The following KIAA1328 variants were observed in gnomAD, a reference collection of about 807,000 sequenced individuals.
The protein encoded by KIAA1328 is protein hinderin.
A neutral mutation model predicts 68.1 loss-of-function variants in KIAA1328; 52 were observed. The observed-to-expected ratio is 0.76, with a 90% CI of 0.61 to 0.96. The LOEUF (loss-of-function observed/expected upper bound fraction) is 0.96, where lower values mean the gene tolerates loss of function less well. Among genes scored for constraint, KIAA1328 ranks in the 40% least tolerant of loss-of-function variants. The pLI is 0.00. For synonymous variants in KIAA1328, 232 were observed against 239.4 expected, an observed-to-expected ratio of 0.97 and a Z score of 0.28; for missense variants, 641 against 677.6, an observed-to-expected ratio of 0.95 and a Z score of 0.60.
intron 6 of KIAA1328, among the ~76,000 whole-genome samples, chr18:36,966,181 A>G (rs897489650): frequency 4.6e-5 from 7 of 152,330 alleles, no homozygotes; most frequent in Middle Eastern, 3.4e-3. Context: ...TCATTCTTCA[A>G]AACTGAAGGT....
chr18:37,119,096 G>C (rs2058200250), intron 7 of KIAA1328, among the ~76,000 whole-genome samples: 1 of 152,144 alleles, frequency 6.6e-6, no homozygotes, highest in Non-Finnish European at 1.5e-5. Flanking sequence ...AATGCTATGT[G>C]AACTGCCAAT....
At chr18:36,932,133 C>T (rs2050333378) in intron 5 of KIAA1328, among the ~76,000 whole-genome samples, 1 of 151,802 alleles carries the variant, frequency 6.6e-6, no homozygotes, top group Admixed American at 6.6e-5. Flanking sequence ...TATAATGCTC[C>T]TGTCTTTATG....
intron 6 of KIAA1328, among the ~76,000 whole-genome samples, chr18:36,987,880 G>T (rs2053009308): frequency 6.6e-6 from 1 of 151,394 alleles, no homozygotes; most frequent in African/African-American, 2.4e-5. Context: ...TTTCTTTAAG[G>T]TTCTAGCTGC....
chr18:36,965,436 G>A (rs977457252), intron 6 of KIAA1328, among the ~76,000 whole-genome samples: 28 of 150,030 alleles, frequency 1.9e-4, no homozygotes, highest in African/African-American at 6.8e-4. Flanking sequence ...AGGCGATCAG[G>A]AGTTCGAAAC....
chr18:36,913,521 C>CACGCT (rs373001161), intron 5 of KIAA1328, among the ~76,000 whole-genome samples: 1 of 92,920 alleles, frequency 1.1e-5, no homozygotes, highest in Non-Finnish European at 2.3e-5. Flanking sequence ...CACACACACA[C>CACGCT]ACTTAGAGGA....
intron 7 of KIAA1328, among the ~76,000 whole-genome samples, chr18:37,081,725 ATT>A (rs1453230090): frequency 6.6e-6 from 1 of 152,106 alleles, no homozygotes; most frequent in African/African-American, 2.4e-5. Context: ...CAAAAGGCAG[ATT>A]TGTTTCCTTG....
chr18:36,963,697 T>C (rs1352500524), intron 6 of KIAA1328, among the ~76,000 whole-genome samples: 1 of 152,188 alleles, frequency 6.6e-6, no homozygotes, highest in Admixed American at 6.5e-5. Flanking sequence ...CCCACTTACC[T>C]TGTCATGAAG....
intron 7 of KIAA1328, among the ~76,000 whole-genome samples, chr18:37,075,894 A>G (rs2056714069): frequency 6.6e-6 from 1 of 152,230 alleles, no homozygotes; most frequent in South Asian, 2.1e-4. Flanking sequence ...GGAGACTTTA[A>G]CAACCCACTG....
intron 6 of KIAA1328, among the ~76,000 whole-genome samples, chr18:36,982,104 TATA>T (rs1428262636): frequency 2.8e-5 from 4 of 142,704 alleles, no homozygotes; most frequent in Admixed American, 7.4e-5. Context: ...TTATATATAA[TATA>T]ATTATATAAT....
At chr18:37,079,126 T>TACACCATGGAATACTATGCAGCC (rs2056856472) in intron 7 of KIAA1328, among the ~76,000 whole-genome samples, 1 of 141,468 alleles carries the variant, frequency 7.1e-6, no homozygotes, top group Non-Finnish European at 1.5e-5. Flanking sequence ...GTGGCACATA[T>TACACCATGGAATACTATGCAGCC]ACACCATGGA....
chr18:37,151,390 C>A (rs1184176712), intron 7 of KIAA1328, among the ~76,000 whole-genome samples: 1 of 152,084 alleles, frequency 6.6e-6, no homozygotes, highest in African/African-American at 2.4e-5. Flanking sequence ...AGTCAAAATA[C>A]CAACATACTG....
At chr18:36,855,896 G>T (rs2047366147) in intron 4 of KIAA1328, among the ~76,000 whole-genome samples, 1 of 151,878 alleles carries the variant, frequency 6.6e-6, no homozygotes, top group Admixed American at 6.6e-5. Context: ...TCTTTTGCAT[G>T]AAGATATCCA....
chr18:37,229,529 G>C (rs915398573), downstream of KIAA1328: 154 of 1,264,402 alleles, frequency 1.2e-4, no homozygotes, highest in Admixed American at 7.0e-4. Flanking sequence ...GGGGTGGGAG[G>C]GTCATTTTTT....
intron 7 of KIAA1328, among the ~76,000 whole-genome samples, chr18:37,159,793 G>A (rs1218177974): frequency 3.3e-5 from 5 of 152,184 alleles, no homozygotes; most frequent in South Asian, 2.1e-4. Context: ...AAACACAAAC[G>A]CGTTTGTGTG....
At chr18:36,923,001 A>G (rs2049983817) in intron 5 of KIAA1328, among the ~76,000 whole-genome samples, 2 of 151,712 alleles carry the variant, frequency 1.3e-5, no homozygotes, top group Non-Finnish European at 2.9e-5. Context: ...GTCAATAAGT[A>G]TTGAAGATGT....
chr18:36,954,147 C>T (rs935772216), intron 5 of KIAA1328, among the ~76,000 whole-genome samples: 4 of 152,002 alleles, frequency 2.6e-5, no homozygotes, highest in African/African-American at 4.8e-5. Flanking sequence ...GGACTACAGG[C>T]GCCTGCCACC....
chr18:36,871,035 C>T (rs1191683615), intron 4 of KIAA1328, among the ~76,000 whole-genome samples: 24 of 152,144 alleles, frequency 1.6e-4, no homozygotes, highest in Admixed American at 1.4e-3. Context: ...TGTATTTTCC[C>T]GTCAACATGA....
intron 9 of KIAA1328, among the ~76,000 whole-genome samples, chr18:37,221,451 C>T (rs928479872): frequency 1.3e-5 from 2 of 152,156 alleles, no homozygotes; most frequent in African/African-American, 4.8e-5. Flanking sequence ...TTGAACCAAG[C>T]GTGTCTGTCT....
At chr18:37,126,004 C>A (rs1307986909) in intron 7 of KIAA1328, among the ~76,000 whole-genome samples, 1 of 152,132 alleles carries the variant, frequency 6.6e-6, no homozygotes, top group African/African-American at 2.4e-5. Flanking sequence ...GATTGCTTAT[C>A]AGTAGCATAT....
Sources: allele counts gnomAD v4.1 joint callset (sites outside exome capture counted in the v4.1 genomes callset), GRCh38; gene constraint gnomAD v4.1.1; transcripts MANE v1.5; gene names NCBI Gene and HGNC (gene_info 2026-07-23, HGNC 2026-07-21).